EPB41L1: variants seen among roughly 807,000 people sequenced by gnomAD.
EPB41L1 encodes band 4.1-like protein 1.
In EPB41L1, 29 loss-of-function variants were observed where a neutral mutation model predicts 97.8. The ratio of observed to expected loss-of-function variants is 0.30; its 90% CI spans 0.22 to 0.40. The LOEUF is 0.40. EPB41L1 is among the 10% of genes least tolerant of loss of function. EPB41L1 has a pLI of 1.00. For synonymous variants in EPB41L1, 383 were observed against 459.2 expected (o/e 0.83, Z 2.12); for missense variants, 812 against 1,162.3 (o/e 0.70, Z 4.38).
At chr20:36,176,574 C>G (rs1274285457) in intron 3 of EPB41L1, among the ~76,000 whole-genome samples, 1 of 151,786 alleles carries the variant, frequency 6.6e-6, no homozygotes, top group Non-Finnish European at 1.5e-5. Flanking sequence ...AGTCCCTCTT[C>G]TCTACAGGGT....
At chr20:36,130,335 T>C (rs962096108) in intron 2 of EPB41L1, among the ~76,000 whole-genome samples, 7 of 152,130 alleles carry the variant, frequency 4.6e-5, no homozygotes, top group Non-Finnish European at 8.8e-5. Context: ...CTCCTGAATA[T>C]GATTGGGAGC....
In EPB41L1 at chr20:36,188,281, G is replaced by A; in HGVS notation, c.874-66G>A. 5 of 1,607,988 alleles carry A rather than the reference G, an allele frequency of 3.1e-6. No individual in the cohort carries two copies. In the South Asian group the frequency reaches 4.4e-5, roughly 14 times the overall value. The stretch of plus-strand genomic sequence containing the variant: ...CAGCGCACAGGGCAGTGTTTTCGGG[G>A]TGGGTGGTAGGCTGTCCCCAGGCAT... On this transcript the variant is annotated intron_variant, in intron 8 of 21. Coordinates refer to ENST00000338074, the MANE Select transcript of EPB41L1 (RefSeq NM_012156.2).
Position 36,212,354 on chromosome 20 carries a change from T to A in EPB41L1, c.2162T>A (p.Val721Asp), listed in dbSNP as rs768086646. 1 of 1,614,096 alleles carries A rather than the reference T, an allele frequency of 6.2e-7. No individual in the cohort carries two copies. The highest frequency in any genetic ancestry group is 8.5e-7 in the Non-Finnish European group (1 of 1,180,018). ...CCGGAGGCCGTACTGCAGACCAGAG[T>A]CTCCGCTATGGATAACACCCAGGTA... Reference protein sequence around the residue: ...IEPEAVLQTRVSAMDNTQQVD... With the variant: ...IEPEAVLQTRDSAMDNTQQVD... The change falls in exon 16 of 22, where the codon GTC becomes GAC. Residue 721 changes from valine (V) to aspartate (D), a missense_variant. This residue lies in a region of EPB41L1 where 498 missense variants were observed against 622.7 expected (regional missense o/e 0.80). Transcript: ENST00000338074. The surrounding 1 kb of genome is among the most constrained non-coding windows in gnomAD (Gnocchi z 4.8).
chr20:36,118,327 C>T (rs551289586), intron 2 of EPB41L1, among the ~76,000 whole-genome samples: 1 of 151,414 alleles, frequency 6.6e-6, no homozygotes, highest in Admixed American at 6.6e-5. Context: ...CACTGCACTC[C>T]AGCCTGGACT....
intron 1 of EPB41L1, among the ~76,000 whole-genome samples, chr20:36,159,345 G>A (rs2060438478): frequency 6.6e-6 from 1 of 152,220 alleles, no homozygotes; most frequent in Non-Finnish European, 1.5e-5. Flanking sequence ...GATTGGGAAA[G>A]CTTTGGAACA....
At chr20:36,132,693 G>T (rs1005868997) in intron 2 of EPB41L1, among the ~76,000 whole-genome samples, 1 of 151,726 alleles carries the variant, frequency 6.6e-6, no homozygotes, top group South Asian at 2.1e-4. Flanking sequence ...AGGGCTTGGG[G>T]GTCCAGGCCT....
In EPB41L1 at chr20:36,173,881, C is replaced by T; in HGVS notation, c.104C>T (p.Ala35Val). 1.9e-6 allele frequency: 3 copies of T among 1,614,000 alleles called. No individual in the cohort carries two copies. Among genetic ancestry groups the T allele is most frequent in the Non-Finnish European group, 2.5e-6 (3 of 1,179,940 alleles). Residue 35 changes from alanine (A) to valine (V), a missense_variant, in exon 2 of 22, where the codon GCA becomes GTA. Around this residue, in one of 3 missense-constraint regions of EPB41L1, gnomAD observed 84 missense variants for 94.3 expected, o/e 0.89. Coordinates refer to ENST00000338074, the MANE Select transcript of EPB41L1 (RefSeq NM_012156.2). ...AAAVTTPVTP[A>V]GHGHPEANSN... Reference sequence around the variant, plus strand: ...GCTGTGACCACCCCTGTGACCCCTGCAGGCCACGGCCACCCAGAGGCCAAC... The same window carrying T: ...GCTGTGACCACCCCTGTGACCCCTGTAGGCCACGGCCACCCAGAGGCCAAC...
intron 21 of EPB41L1, among the ~76,000 whole-genome samples, chr20:36,228,059 G>A (rs533471270): frequency 1.1e-4 from 16 of 152,174 alleles, no homozygotes; most frequent in Admixed American, 8.5e-4. Context: ...TCTGGGCCTC[G>A]GTTTTCCTAT....
intron 2 of EPB41L1, among the ~76,000 whole-genome samples, chr20:36,116,376 G>C (rs1360372446): frequency 6.6e-6 from 1 of 152,170 alleles, no homozygotes; most frequent in African/African-American, 2.4e-5. Flanking sequence ...AGGCCCCACA[G>C]AAGGTGCCTT....
chr20:36,158,159 C>T (rs1220984766), intron 1 of EPB41L1, among the ~76,000 whole-genome samples: 1 of 152,098 alleles, frequency 6.6e-6, no homozygotes, highest in Admixed American at 6.6e-5. Flanking sequence ...AGGATTCAAA[C>T]CTAGGCAGTG....
Position 36,216,395 on chromosome 20 carries a change from C to CG in EPB41L1, c.2268+1962dup, listed in dbSNP as rs1190140160. ...GATGTCAAGCACACGGAGGAGGAGT[C>CG]GGGGGGGAAGAGCTGGAAAGGAAGG... is the stretch of plus-strand genomic sequence containing the variant. On this transcript the variant is annotated intron_variant, in intron 17 of 21. Coordinates refer to ENST00000338074, the MANE Select transcript of EPB41L1 (RefSeq NM_012156.2). Among the ~76,000 whole-genome samples, 14 of 151,988 alleles carry CG rather than the reference C, an allele frequency of 9.2e-5. No individual in the cohort carries two copies. The East Asian group carries it at 1.6e-3, about 17-fold the overall frequency.
At chr20:36,176,332 C>A (rs1052773071) in intron 3 of EPB41L1, among the ~76,000 whole-genome samples, 3 of 152,232 alleles carry the variant, frequency 2.0e-5, no homozygotes, top group Admixed American at 6.5e-5. Flanking sequence ...ACATTTAGGT[C>A]TCCTTTTCCT....
At position 36,175,491 on chromosome 20, in the gene EPB41L1, A is replaced by T. The variant is rs543226919; in HGVS notation, c.178-60A>T. 9.4e-6 allele frequency: 15 copies of T among 1,601,530 alleles called. No homozygotes were observed. The African/African-American group carries it at 1.6e-4, about 17-fold the overall frequency. ...GATGCCTCTATATTGCTTCTTACTT[A>T]TATGAAAGGCCATGGCTTAAAACTC... On this transcript the variant is annotated intron_variant, in intron 2 of 21. Coordinates refer to ENST00000338074, the MANE Select transcript of EPB41L1 (RefSeq NM_012156.2).
intron 5 of EPB41L1, among the ~76,000 whole-genome samples, chr20:36,181,633 A>T (rs1327766178): frequency 1.3e-5 from 2 of 152,242 alleles, no homozygotes; most frequent in Non-Finnish European, 2.9e-5. Context: ...GAGAAACATT[A>T]ATCTTTCAGG....
At chr20:36,218,818 C>G in intron 17 of EPB41L1, 58 bp from the exon 18 acceptor site, 2 of 1,538,648 alleles carry the variant, frequency 1.3e-6, no homozygotes, top group Non-Finnish European at 9.0e-7. Context: ...CATGCTCCGC[C>G]CATCCTGGGG....
rs191652367 is a variant in EPB41L1 at position 36,157,366 on chromosome 20, C to T, written c.-15+2470C>T. On this transcript the variant is annotated intron_variant, in intron 1 of 21. Transcript: ENST00000338074. ...TGCTTTGAGTCATTTCACAGTAACCCTGTCAGATAGATGTGATTAATTATC... is the reference window on the plus strand; with the variant it reads ...TGCTTTGAGTCATTTCACAGTAACCTTGTCAGATAGATGTGATTAATTATC... Among the ~76,000 whole-genome samples, 64 of 152,342 alleles carry T rather than the reference C, an allele frequency of 4.2e-4. No homozygotes were observed. In the East Asian group the frequency reaches 0.012, roughly 29 times the overall value.
intron 17 of EPB41L1, among the ~76,000 whole-genome samples, chr20:36,216,929 T>TTCACTAGCCAATGGTTCGG (rs2063481100): frequency 6.6e-6 from 1 of 152,138 alleles, no homozygotes; most frequent in African/African-American, 2.4e-5. Context: ...CGTGACACCG[T>TTCACTAGCCAATGGTTCGG]TCACTAGCCA....
Position 36,092,784 on chromosome 20 carries a change from A to C in EPB41L1, c.-65+1172A>C, listed in dbSNP as rs2057694469. ...CGGACACCAGGACCGCGAGCCAGAC[A>C]GCTCCCGGAAGCCGCGCCGCCGCCG... On this transcript the variant is annotated intron_variant, in intron 1 of 19. Transcript: ENST00000202028. This position sits in a 1 kb window ranked among gnomAD's most constrained non-coding sequence, Gnocchi z 7.0. 1 of 152,424 alleles carries C rather than the reference A, an allele frequency of 6.6e-6. No individual in the cohort carries two copies. Among genetic ancestry groups the C allele is most frequent in the Admixed American group, 6.6e-5 (1 of 15,248 alleles). 9.4% of individuals were successfully genotyped at this position (152,424 alleles called of 1,614,324 possible). A position where few individuals can be genotyped will look rare whatever the true frequency, so the allele number is the denominator to read the frequency against.
Position 36,190,595 on chromosome 20 carries a change from C to T in EPB41L1, c.1125-27C>T, listed in dbSNP as rs1420574800. ...CCTGGCAGTGCAGGTCTGATTCCTC[C>T]TCCTCCCCTGCATCCCTCTGCTGCA... On this transcript the variant is annotated intron_variant, in intron 10 of 21. Transcript: ENST00000338074. The surrounding 1 kb of genome is among the most constrained non-coding windows in gnomAD (Gnocchi z 5.8). 2.5e-6 allele frequency: 4 copies of T among 1,613,636 alleles called. No individual in the cohort carries two copies. The highest frequency in any genetic ancestry group is 1.1e-5 in the South Asian group (1 of 91,066).
Sources: gnomAD v4.1 joint callset for allele counts (sites outside exome capture counted in the v4.1 genomes callset) on GRCh38, gnomAD v4.1.1 for gene constraint, gnomAD v4.1.1 regional missense constraint, Gnocchi (gnomAD v3.1) non-coding constraint, MANE v1.5 for transcripts, NCBI Gene and HGNC (gene_info 2026-07-23, HGNC 2026-07-21) for gene names.